The following IL1RAPL1 variants were observed in gnomAD, a reference collection of about 807,000 sequenced individuals.
The protein encoded by IL1RAPL1 is interleukin 1 receptor accessory protein like 1, also known as interleukin-1 receptor accessory protein-like 1.
In IL1RAPL1, 3 loss-of-function variants were observed where a neutral mutation model predicts 48.4. The ratio of observed to expected loss-of-function variants is 0.06; its 90% CI spans 0.03 to 0.16. IL1RAPL1 has a LOEUF of 0.16. IL1RAPL1 is among the 10% of genes least tolerant of loss of function. IL1RAPL1 has a pLI of 1.00. For missense variants in IL1RAPL1, 349 were observed against 530.6 expected (o/e 0.66, Z 3.36); for synonymous variants, 185 against 187.7 (o/e 0.99, Z 0.12).
Position 28,768,747 on chromosome X carries a change from CTCTCTCTCTA to C in IL1RAPL1, c.-24-20571_-24-20562del, listed in dbSNP as rs1446258504. Among the ~76,000 whole-genome samples the C allele has an allele frequency of 2.6e-3, 187 of 70,889 alleles. 1 individual carries two copies. Among genetic ancestry groups the C allele is most frequent in the African/African-American group, 0.01 (177 of 17,623 alleles). The allele number at this position is 70,889 out of a possible 115,157, so 61.6% of individuals were successfully genotyped here. A position where few individuals can be genotyped will look rare whatever the true frequency, so the allele number is the denominator to read the frequency against. On this transcript the variant is annotated intron_variant, in intron 1 of 10. Transcript: ENST00000378993. ...TCTCTCTGTCTCTCTCTCTCTCTCT[CTCTCTCTCTA>C]TATATATATATATATATATATACAC... is the stretch of plus-strand genomic sequence containing the variant.
intron 1 of IL1RAPL1, among the ~76,000 whole-genome samples, chrX:28,595,866 A>G (rs1403377601): frequency 9.0e-6 from 1 of 111,678 alleles, no homozygotes; most frequent in African/African-American, 3.3e-5. Context: ...ATGGTACTCA[A>G]GAGGCACCCA....
At chrX:29,875,785 G>A (rs999273354) in intron 6 of IL1RAPL1, among the ~76,000 whole-genome samples, 2 of 112,061 alleles carry the variant, frequency 1.8e-5, no homozygotes, top group African/African-American at 6.5e-5. Context: ...TGAAACGTAA[G>A]CATGGTGAGC....
chrX:29,272,386 G>C (rs1455734367), intron 2 of IL1RAPL1, among the ~76,000 whole-genome samples: 5 of 111,363 alleles, frequency 4.5e-5, no homozygotes, highest in African/African-American at 1.6e-4. Flanking sequence ...CAAAAATATG[G>C]TTTCTCCCTG....
At chrX:28,763,152 A>G (rs1426659471) in intron 1 of IL1RAPL1, among the ~76,000 whole-genome samples, 1 of 111,087 alleles carries the variant, frequency 9.0e-6, no homozygotes, top group African/African-American at 3.3e-5. Flanking sequence ...TGGAGCAGTT[A>G]TGTGGCCAGG....
chrX:29,892,294 C>T (rs1044751916), intron 6 of IL1RAPL1, among the ~76,000 whole-genome samples: 7 of 111,797 alleles, frequency 6.3e-5, no homozygotes, highest in Middle Eastern at 4.6e-3. Flanking sequence ...TGTGTGTGAA[C>T]GAGCATAAAG....
At chrX:29,694,222 A>G (rs370351357) in intron 6 of IL1RAPL1, among the ~76,000 whole-genome samples, 50 of 111,775 alleles carry the variant, frequency 4.5e-4, no homozygotes, top group African/African-American at 1.6e-3. Context: ...CTTTTTCTCA[A>G]TTATCTTATC....
chrX:28,720,601 AT>A (rs1233056141), intron 1 of IL1RAPL1, among the ~76,000 whole-genome samples: 47 of 111,019 alleles, frequency 4.2e-4, no homozygotes, highest in East Asian at 5.7e-4. Context: ...AAAATGACTG[AT>A]TTTTTTTTAT....
rs34885583 is a variant in IL1RAPL1 at position 29,111,925 on chromosome X, C to CTTT, written c.83-170993_83-170991dup. Among the ~76,000 whole-genome samples the CTTT allele has an allele frequency of 4.2e-3, 250 of 59,706 alleles. 2 individuals are homozygous for CTTT. Among genetic ancestry groups the CTTT allele is most frequent in the Non-Finnish European group, 5.6e-3 (176 of 31,244 alleles). The allele number at this position is 59,706 out of a possible 115,157, so 51.8% of individuals were successfully genotyped here. On this transcript the variant is annotated intron_variant, in intron 2 of 10. Coordinates refer to ENST00000378993, the MANE Select transcript of IL1RAPL1 (RefSeq NM_014271.4). ...GTTTGTAGGTTGTATTTTCACTTTT[C>CTTT]TTTTTTTTTTTTTTTTTTTTTTGAG...
chrX:28,814,494 C>A (rs1936837050), intron 2 of IL1RAPL1, among the ~76,000 whole-genome samples: 1 of 109,342 alleles, frequency 9.1e-6, no homozygotes, highest in African/African-American at 3.3e-5. Context: ...GTGGATCTTT[C>A]CAACTTTCCT....
intron 2 of IL1RAPL1, among the ~76,000 whole-genome samples, chrX:29,250,084 G>C: frequency 9.0e-6 from 1 of 111,339 alleles, no homozygotes; most frequent in Middle Eastern, 4.7e-3. Context: ...ACAAAACTTA[G>C]ACCTGTAGAC....
At chrX:29,861,317 T>C (rs150854265) in intron 6 of IL1RAPL1, among the ~76,000 whole-genome samples, 1,222 of 111,475 alleles carry the variant, frequency 0.011, 17 homozygotes, top group African/African-American at 0.036. Flanking sequence ...TCCTGAGCTC[T>C]ACCCCCAGAG....
intron 5 of IL1RAPL1, among the ~76,000 whole-genome samples, chrX:29,400,569 C>G (rs1451048237): frequency 8.9e-6 from 1 of 111,761 alleles, no homozygotes; most frequent in African/African-American, 3.2e-5. Context: ...ACTTGTAAAA[C>G]TTATATAGAA....
chrX:29,586,045 A>T (rs1480651264), intron 5 of IL1RAPL1, among the ~76,000 whole-genome samples: 1 of 110,182 alleles, frequency 9.1e-6, no homozygotes, highest in Non-Finnish European at 1.9e-5. Context: ...GAGCTTTTCA[A>T]TTTTAAGTAG....
chrX:28,950,122 T>C (rs1229615439), intron 2 of IL1RAPL1, among the ~76,000 whole-genome samples: 1 of 100,096 alleles, frequency 1.0e-5, no homozygotes, highest in Non-Finnish European at 2.0e-5. Flanking sequence ...TTGTATAAGG[T>C]GTAAGGAAGG....
At chrX:29,683,057 G>A (rs748785751) in intron 6 of IL1RAPL1, among the ~76,000 whole-genome samples, 18 of 112,226 alleles carry the variant, frequency 1.6e-4, no homozygotes, top group African/African-American at 4.5e-4. Context: ...CTGGTCAAGG[G>A]TAGAGACTTT....
At chrX:29,934,907 A>G (rs780358394) in intron 8 of IL1RAPL1, among the ~76,000 whole-genome samples, 4 of 111,934 alleles carry the variant, frequency 3.6e-5, no homozygotes, top group Admixed American at 9.5e-5. Context: ...CATACCCTTT[A>G]CACCATATTT....
chrX:29,356,192 G>A (rs1480643501), intron 3 of IL1RAPL1, among the ~76,000 whole-genome samples: 1 of 110,168 alleles, frequency 9.1e-6, no homozygotes, highest in Non-Finnish European at 1.9e-5. Context: ...ATCATCATTG[G>A]CCCAGGCTAG....
chrX:28,643,656 G>A (rs1438464069), intron 1 of IL1RAPL1, among the ~76,000 whole-genome samples: 2 of 111,564 alleles, frequency 1.8e-5, no homozygotes, highest in Admixed American at 9.5e-5. Flanking sequence ...TTAATTAAAA[G>A]TAGCTAAGTA....
intron 2 of IL1RAPL1, among the ~76,000 whole-genome samples, chrX:29,100,492 C>T (rs1394770073): frequency 9.0e-6 from 1 of 111,591 alleles, no homozygotes; most frequent in Non-Finnish European, 1.9e-5. Context: ...TTGGCTGAGA[C>T]TCAGCTAGTT....
Sources: gnomAD v4.1 joint callset for allele counts (sites outside exome capture counted in the v4.1 genomes callset) on GRCh38, gnomAD v4.1.1 for gene constraint, MANE v1.5 for transcripts, NCBI Gene and HGNC (gene_info 2026-07-23, HGNC 2026-07-21) for gene names.